Variants in NCR1 observed in about 807,000 individuals in gnomAD.
NCR1 encodes the protein NK cell-activating receptor.
NCR1 carries 30 observed loss-of-function variants against 32.5 expected under a neutral mutation model. The ratio of observed to expected loss-of-function variants is 0.92; its 90% CI spans 0.69 to 1.25. NCR1 has a LOEUF of 1.25. Ranked by LOEUF, NCR1 falls within the 50% of genes most tolerant of loss-of-function variation. The pLI is 0.00. For missense variants in NCR1, 369 were observed against 380.7 expected (o/e 0.97, Z 0.26); for synonymous variants, 169 against 143.4 (o/e 1.18, Z -1.28).
the NCR1 span, among the ~76,000 whole-genome samples, chr19:54,927,412 G>T: frequency 6.6e-6 from 1 of 150,540 alleles, no homozygotes; most frequent in Non-Finnish European, 1.5e-5. Flanking sequence ...AAAAAAATTA[G>T]CTGGACATGT....
the NCR1 span, among the ~76,000 whole-genome samples, chr19:54,931,417 C>T: frequency 7.9e-5 from 12 of 152,006 alleles, no homozygotes; most frequent in Non-Finnish European, 1.5e-4. Flanking sequence ...TAGCTGGGCA[C>T]GATGGCTCAC....
At chr19:54,912,356 G>C (rs1187457483) in intron 6 of NCR1, 138 bp downstream of exon 6, 5 of 847,804 alleles carry the variant, frequency 5.9e-6, no homozygotes, top group Non-Finnish European at 7.6e-6. Context: ...CAGCCCTTTG[G>C]GAGGCCGAGG....
At chr19:54,913,872 A>G (rs1053477868), downstream of NCR1, among the ~76,000 whole-genome samples, 1 of 152,148 alleles carries the variant, frequency 6.6e-6, no homozygotes, top group African/African-American at 2.4e-5. Context: ...GTTCGAGAGC[A>G]GCCTGGCCAA....
the NCR1 span, among the ~76,000 whole-genome samples, chr19:54,930,909 G>A: frequency 6.6e-6 from 1 of 152,082 alleles, no homozygotes; most frequent in Non-Finnish European, 1.5e-5. Flanking sequence ...TGTAGTGCCA[G>A]CTACTCAGAA....
chr19:54,930,276 G>C, the NCR1 span, among the ~76,000 whole-genome samples: 1 of 151,692 alleles, frequency 6.6e-6, no homozygotes, highest in Non-Finnish European at 1.5e-5. Context: ...AAACCAGCCC[G>C]GGAAAGATGA....
chr19:54,906,863 C>A, intron 3 of NCR1, 56 bp downstream of exon 3: 2 of 1,574,334 alleles, frequency 1.3e-6, no homozygotes, highest in Admixed American at 1.7e-5. Context: ...CGGGATGCAG[C>A]ATCATCTATG....
chr19:54,926,913 CT>C, the NCR1 span, among the ~76,000 whole-genome samples: 25 of 59,696 alleles, frequency 4.2e-4, 2 homozygotes, highest in African/African-American at 1.3e-3. Context: ...GAGACTCTGT[CT>C]TTAAAAAAAA....
the NCR1 span, among the ~76,000 whole-genome samples, chr19:54,936,744 G>A: frequency 6.6e-6 from 1 of 151,998 alleles, no homozygotes; most frequent in South Asian, 2.1e-4. Context: ...GGGAAGCCCC[G>A]TCTCTACTAA....
chr19:54,903,249 T>C (rs940333953), upstream of NCR1, among the ~76,000 whole-genome samples: 1 of 151,424 alleles, frequency 6.6e-6, no homozygotes, highest in Non-Finnish European at 1.5e-5. Context: ...TGCTGAAAAC[T>C]ACATAGTACC....
downstream of NCR1, among the ~76,000 whole-genome samples, chr19:54,917,316 A>AC (rs1569538066): frequency 6.8e-6 from 1 of 146,972 alleles, no homozygotes; most frequent in Non-Finnish European, 1.5e-5. Context: ...CTCCTCAAAA[A>AC]AAAACAAAAA....
intron 5 of NCR1, 101 bp from the exon 6 acceptor site, chr19:54,912,067 C>T: frequency 9.6e-7 from 1 of 1,040,720 alleles, no homozygotes; most frequent in East Asian, 2.4e-5. Flanking sequence ...GAGGTGGGAC[C>T]TTGTAAAGCT....
downstream of NCR1, among the ~76,000 whole-genome samples, chr19:54,914,582 A>G (rs1251228308): frequency 6.6e-6 from 1 of 151,862 alleles, no homozygotes; most frequent in East Asian, 1.9e-4. Flanking sequence ...CAGGTGATCC[A>G]CCAGCCTCGG....
the NCR1 span, among the ~76,000 whole-genome samples, chr19:54,937,696 G>C: frequency 6.6e-6 from 1 of 151,952 alleles, no homozygotes; most frequent in African/African-American, 2.4e-5. Context: ...TCAGGAGCTC[G>C]AGATCAGCCT....
At chr19:54,929,196 T>C in the NCR1 span, among the ~76,000 whole-genome samples, 1 of 151,862 alleles carries the variant, frequency 6.6e-6, no homozygotes, top group African/African-American at 2.4e-5. Context: ...TGGTGAAACC[T>C]GGTCTCTACT....
chr19:54,927,691 G>A, the NCR1 span: 5 of 1,613,972 alleles, frequency 3.1e-6, no homozygotes, highest in African/African-American at 4.0e-5. Context: ...TCTGGCCCAG[G>A]TCCAGAGTTT....
downstream of NCR1, among the ~76,000 whole-genome samples, chr19:54,916,421 C>T (rs539471068): frequency 1.6e-3 from 244 of 148,170 alleles, no homozygotes; most frequent in African/African-American, 5.7e-3. Flanking sequence ...CGGGTTCAAG[C>T]GATTCTCCTG....
upstream of NCR1, among the ~76,000 whole-genome samples, chr19:54,901,305 G>A (rs973857760): frequency 1.5e-5 from 2 of 136,344 alleles, no homozygotes; most frequent in South Asian, 2.3e-4. Context: ...AGCTTGCAGA[G>A]AGCCGAGATT....
downstream of NCR1, chr19:54,916,055 T>C (rs1569537960): frequency 6.6e-6 from 1 of 150,844 alleles, no homozygotes; most frequent in Non-Finnish European, 1.5e-5. Context: ...AGCGAGCTGA[T>C]GCCGATCTCA....
At chr19:54,927,873 C>G in the NCR1 span, 32 of 1,040,694 alleles carry the variant, frequency 3.1e-5, 1 homozygote, top group African/African-American at 2.4e-4. Context: ...GGGTGGATCA[C>G]TTGAGGCCAG....
Sources: allele counts gnomAD v4.1 joint callset (sites outside exome capture counted in the v4.1 genomes callset), GRCh38; gene constraint gnomAD v4.1.1; transcripts MANE v1.5; gene names NCBI Gene and HGNC (gene_info 2026-07-23, HGNC 2026-07-21).